MSRA: variants seen among roughly 807,000 people sequenced by gnomAD.
The protein encoded by MSRA is mitochondrial peptide methionine sulfoxide reductase.
MSRA carries 54 observed loss-of-function variants against 31.3 expected under a neutral mutation model. That is an observed-to-expected ratio of 1.73 (90% CI 1.39 to 2.17). The LOEUF is 2.17. MSRA is among the 30% of genes most tolerant of loss of function. The pLI is 0.00. For synonymous variants in MSRA, 169 were observed against 116.5 expected (o/e 1.45, Z -2.90); for missense variants, 507 against 300.9 (o/e 1.69, Z -5.07).
chr8:10,301,499 A>C (rs760911865), intron 3 of MSRA, 35 bp from the exon 4 acceptor site: 1 of 1,524,472 alleles, frequency 6.6e-7, no homozygotes, highest in Non-Finnish European at 9.0e-7. Flanking sequence ...GGATGTTGTC[A>C]GTAAATTTCG....
chr8:10,408,707 CA>C (rs1190081248), intron 5 of MSRA, among the ~76,000 whole-genome samples: 3 of 152,112 alleles, frequency 2.0e-5, no homozygotes, highest in Non-Finnish European at 4.4e-5. Context: ...ACCTTGTACC[CA>C]TTAGGTAATT....
chr8:10,073,005 C>A (rs1173458464), intron 1 of MSRA, among the ~76,000 whole-genome samples: 1 of 152,116 alleles, frequency 6.6e-6, no homozygotes, highest in Non-Finnish European at 1.5e-5. Context: ...TAGACTTTTT[C>A]AGATATTCTA....
chr8:10,062,134 C>G (rs577507548), intron 1 of MSRA, among the ~76,000 whole-genome samples: 4 of 152,202 alleles, frequency 2.6e-5, no homozygotes, highest in Non-Finnish European at 5.9e-5. Context: ...GAGTGGAAGC[C>G]TCTTTGCTAA....
chr8:10,263,241 A>G (rs1484823758), intron 3 of MSRA, among the ~76,000 whole-genome samples: 2 of 151,948 alleles, frequency 1.3e-5, no homozygotes, highest in East Asian at 3.9e-4. Flanking sequence ...TGACTTTCCC[A>G]TTTCTTCCCT....
intron 1 of MSRA, among the ~76,000 whole-genome samples, chr8:10,155,833 C>A (rs184101849): frequency 7.2e-5 from 11 of 152,096 alleles, no homozygotes; most frequent in Non-Finnish European, 1.2e-4. Flanking sequence ...TAGGAACATG[C>A]CAGATAACAA....
intron 3 of MSRA, among the ~76,000 whole-genome samples, chr8:10,275,225 A>G (rs747628483): frequency 5.9e-5 from 9 of 152,218 alleles, no homozygotes; most frequent in Non-Finnish European, 1.2e-4. Flanking sequence ...AAATGAGAAA[A>G]CAGAACATGT....
chr8:10,410,398 T>A (rs1413221941), intron 5 of MSRA, among the ~76,000 whole-genome samples: 1 of 152,200 alleles, frequency 6.6e-6, no homozygotes, highest in Non-Finnish European at 1.5e-5. Context: ...TCCTACTTCT[T>A]TGGGCATAAC....
In MSRA at chr8:10,304,709, A is replaced by G. The variant is rs1030877124; in HGVS notation, c.436+3071A>G. ...AATCTCTACTTGAGGTCACATGGCA[A>G]CCTGTCACGTTTCACAGTAAAAGTT... On this transcript the variant is annotated intron_variant, in intron 4 of 5. Transcript: ENST00000317173. 3.3e-5 allele frequency among the ~76,000 whole-genome samples: 5 copies of G among 152,314 alleles called. No homozygotes were observed. In the East Asian group the frequency reaches 9.7e-4, roughly 29 times the overall value.
intron 3 of MSRA, among the ~76,000 whole-genome samples, chr8:10,259,907 A>G (rs1381403150): frequency 6.6e-6 from 1 of 152,176 alleles, no homozygotes. Flanking sequence ...CCCCCTCTGT[A>G]GGCTCTCCCT....
intron 1 of MSRA, among the ~76,000 whole-genome samples, chr8:10,055,703 A>G (rs1007044043): frequency 1.3e-5 from 2 of 152,280 alleles, no homozygotes; most frequent in Non-Finnish European, 2.9e-5. Flanking sequence ...TTCAGCATTT[A>G]AAAAATTTCC....
chr8:10,375,184 C>A, intron 5 of MSRA, among the ~76,000 whole-genome samples: 1 of 152,236 alleles, frequency 6.6e-6, no homozygotes, highest in Admixed American at 6.5e-5. Flanking sequence ...TCTGCTCCCC[C>A]TCTTCCTACT....
intron 3 of MSRA, among the ~76,000 whole-genome samples, chr8:10,275,829 G>A (rs934990385): frequency 6.6e-6 from 1 of 152,196 alleles, no homozygotes; most frequent in East Asian, 1.9e-4. Flanking sequence ...ACATCACACA[G>A]ACAAAGAGTT....
chr8:10,224,857 C>T (rs1261657103), intron 2 of MSRA, among the ~76,000 whole-genome samples: 4 of 152,144 alleles, frequency 2.6e-5, no homozygotes, highest in Non-Finnish European at 4.4e-5. Flanking sequence ...TTTAAATGAA[C>T]ACTACTACTA....
intron 1 of MSRA, among the ~76,000 whole-genome samples, chr8:10,172,513 T>G (rs1805678287): frequency 6.6e-6 from 1 of 152,144 alleles, no homozygotes; most frequent in African/African-American, 2.4e-5. Flanking sequence ...TGGCAGAGTA[T>G]TAGCGTAGGG....
At chr8:10,426,696 G>T (rs1809187764) in intron 5 of MSRA, among the ~76,000 whole-genome samples, 1 of 152,252 alleles carries the variant, frequency 6.6e-6, no homozygotes, top group East Asian at 1.9e-4. Context: ...CCAAGGCACA[G>T]TATCTGATAC....
intron 4 of MSRA, among the ~76,000 whole-genome samples, chr8:10,313,164 C>A (rs906071028): frequency 6.6e-6 from 1 of 152,196 alleles, no homozygotes; most frequent in African/African-American, 2.4e-5. Flanking sequence ...GTGACATATG[C>A]TGCTTCCAGA....
intron 5 of MSRA, among the ~76,000 whole-genome samples, chr8:10,381,228 C>G (rs946585704): frequency 6.6e-6 from 1 of 152,184 alleles, no homozygotes; most frequent in African/African-American, 2.4e-5. Context: ...CACCCACTCT[C>G]CCATGTTCCT....
chr8:10,261,235 A>G (rs930501515), intron 3 of MSRA, among the ~76,000 whole-genome samples: 1 of 152,162 alleles, frequency 6.6e-6, no homozygotes, highest in Non-Finnish European at 1.5e-5. Flanking sequence ...CAATATTTTA[A>G]TATACATTTA....
intron 5 of MSRA, among the ~76,000 whole-genome samples, chr8:10,369,426 A>G (rs1805356817): frequency 6.6e-6 from 1 of 152,222 alleles, no homozygotes; most frequent in South Asian, 2.1e-4. Flanking sequence ...TGAAATTTCA[A>G]AAGGAAATAT....
Sources: allele counts gnomAD v4.1 joint callset (sites outside exome capture counted in the v4.1 genomes callset), GRCh38; gene constraint gnomAD v4.1.1; transcripts MANE v1.5; gene names NCBI Gene and HGNC (gene_info 2026-07-23, HGNC 2026-07-21).